Variants in NALCN observed in about 807,000 individuals in gnomAD.
NALCN encodes the protein sodium leak channel, non-selective, also known as sodium leak channel NALCN.
NALCN carries 111 observed loss-of-function variants against 225.3 expected under a neutral mutation model. The ratio of observed to expected loss-of-function variants is 0.49; its 90% confidence interval spans 0.42 to 0.58. The LOEUF is 0.58. NALCN is among the 20% of genes least tolerant of loss of function. The probability of loss-of-function intolerance (pLI) is 0.00; values close to 1 mark genes in which losing one functional copy is unlikely to be tolerated. For synonymous variants in NALCN, 764 were observed against 769.0 expected (o/e 0.99, Z 0.11); for missense variants, 1,378 against 2,202.4 (o/e 0.63, Z 7.49).
chr13:101,230,231 G>A (rs1344255143), intron 12 of NALCN, among the ~76,000 whole-genome samples: 1 of 152,142 alleles, frequency 6.6e-6, no homozygotes, highest in Non-Finnish European at 1.5e-5. Flanking sequence ...CCAAGCATTT[G>A]GGATACAGAT....
At position 101,390,803 on chromosome 13, in the gene NALCN, C is replaced by T. The variant is rs574667623; in HGVS notation, c.291+4380G>A. Among the ~76,000 whole-genome samples, 218 of 150,656 alleles carry T rather than the reference C, an allele frequency of 1.4e-3. 2 individuals carry two copies. Among genetic ancestry groups the T allele is most frequent in the Non-Finnish European group, 2.6e-3 (178 of 67,862 alleles). On this transcript the variant is annotated intron_variant, in intron 3 of 43. Coordinates refer to ENST00000251127, the MANE Select transcript of NALCN (RefSeq NM_052867.4). The stretch of plus-strand genomic sequence containing the variant: ...AATGAAAATGTGAGACAAACACCTT[C>T]GAAAAGTTAGAAACAGACCCATAAA...
chr13:101,259,813 GATACAGGCA>G (rs1389596861), intron 10 of NALCN, among the ~76,000 whole-genome samples: 3 of 145,382 alleles, frequency 2.1e-5, no homozygotes, highest in Non-Finnish European at 4.5e-5. Flanking sequence ...AAGATGTTTT[GATACAGGCA>G]TGCAATGGGG....
intron 7 of NALCN, among the ~76,000 whole-genome samples, chr13:101,298,065 C>T (rs2043821073): frequency 6.6e-6 from 1 of 152,202 alleles, no homozygotes; most frequent in Admixed American, 6.5e-5. Flanking sequence ...TCTCAATGAA[C>T]TGTCTACTGT....
chr13:101,262,841 G>C (rs551001284), intron 10 of NALCN, among the ~76,000 whole-genome samples: 1 of 152,166 alleles, frequency 6.6e-6, no homozygotes, highest in South Asian at 2.1e-4. Flanking sequence ...TTAAACCTCT[G>C]TTTTCTCATT....
intron 10 of NALCN, 145 bp from the exon 11 acceptor site, chr13:101,258,719 A>G: frequency 9.0e-7 from 1 of 1,105,430 alleles, no homozygotes; most frequent in Middle Eastern, 2.5e-4. Flanking sequence ...CATGTCCCAC[A>G]CTGCTGAACT....
intron 6 of NALCN, among the ~76,000 whole-genome samples, chr13:101,350,841 T>C (rs993282817): frequency 1.3e-5 from 2 of 152,164 alleles, no homozygotes; most frequent in Admixed American, 1.3e-4. Flanking sequence ...GCCTACCACA[T>C]CTTTGGCAGA....
intron 10 of NALCN, among the ~76,000 whole-genome samples, chr13:101,271,805 G>A (rs1454642431): frequency 6.6e-6 from 1 of 151,934 alleles, no homozygotes; most frequent in African/African-American, 2.4e-5. Flanking sequence ...ATGCATGTGT[G>A]TGTGTGTCAG....
intron 11 of NALCN, among the ~76,000 whole-genome samples, chr13:101,254,848 G>A (rs1431345207): frequency 1.8e-5 from 1 of 55,794 alleles, no homozygotes; most frequent in Non-Finnish European, 4.3e-5. Context: ...CCGAGATCCC[G>A]CCACTGCACT....
At chr13:101,412,227 G>C (rs2047809817) in intron 1 of NALCN, among the ~76,000 whole-genome samples, 1 of 152,324 alleles carries the variant, frequency 6.6e-6, no homozygotes, top group African/African-American at 2.4e-5. Flanking sequence ...ACATGGCTGT[G>C]TTCCATGCAC....
chr13:101,229,448 C>T lies in NALCN; in HGVS notation c.1571G>A (p.Ser524Asn), dbSNP rs1566460907. 6.2e-7 allele frequency: 1 copy of T among 1,609,738 alleles called. No individual in the cohort carries two copies. Among genetic ancestry groups the T allele is most frequent in the East Asian group, 2.2e-5 (1 of 44,460 alleles). Residue 524 changes from serine to asparagine, a missense_variant, in exon 13 of 44, where the codon AGT becomes AAT. This residue lies in a region of NALCN where 12 missense variants were observed against 50.5 expected (regional missense o/e 0.24). Transcript: ENST00000251127. ...TTCGACAAAGCAGAACATCTGCAAA[C>T]TAATTGCTGACATAACAATCAAGAG... Reference protein sequence around the residue: ...ASLLIVMSAISLQMFCFVEEL... With the variant: ...ASLLIVMSAINLQMFCFVEEL...
intron 10 of NALCN, among the ~76,000 whole-genome samples, chr13:101,279,834 A>AT (rs1594591829): frequency 1.0e-4 from 10 of 99,940 alleles, no homozygotes; most frequent in South Asian, 3.8e-4. Context: ...AAATAAATAA[A>AT]TAAAATAAAT....
At chr13:101,233,839 A>T (rs972401683) in intron 12 of NALCN, among the ~76,000 whole-genome samples, 4 of 152,160 alleles carry the variant, frequency 2.6e-5, no homozygotes, top group Admixed American at 2.6e-4. Flanking sequence ...GATGATACCG[A>T]TATGTAAGAA....
intron 13 of NALCN, among the ~76,000 whole-genome samples, chr13:101,197,798 T>C (rs1243604649): frequency 6.6e-6 from 1 of 152,088 alleles, no homozygotes; most frequent in Non-Finnish European, 1.5e-5. Flanking sequence ...TTGCCAACAG[T>C]AGGCTCTGGA....
At chr13:101,189,410 G>A (rs577753660) in intron 14 of NALCN, among the ~76,000 whole-genome samples, 16 of 152,196 alleles carry the variant, frequency 1.1e-4, no homozygotes, top group Admixed American at 2.0e-4. Flanking sequence ...TGCACAAACC[G>A]TCTTATCTAC....
intron 9 of NALCN, among the ~76,000 whole-genome samples, chr13:101,284,289 T>G (rs978196360): frequency 1.3e-5 from 2 of 152,256 alleles, no homozygotes; most frequent in African/African-American, 2.4e-5. Context: ...TGCTCAAATA[T>G]TCTTCTCCAC....
At chr13:101,371,880 A>C (rs1163293992) in intron 6 of NALCN, among the ~76,000 whole-genome samples, 1 of 152,178 alleles carries the variant, frequency 6.6e-6, no homozygotes. Context: ...CCATGCTCTA[A>C]AACTAAGAAT....
chr13:101,374,004 A>C (rs1177272648), intron 6 of NALCN, among the ~76,000 whole-genome samples: 1 of 152,110 alleles, frequency 6.6e-6, no homozygotes, highest in African/African-American at 2.4e-5. Context: ...AGGGGAAAAT[A>C]ATAATATGTC....
chr13:101,074,660 T>C lies in NALCN; in HGVS notation c.3957A>G (p.Val1319=), dbSNP rs949629728. 5 of 1,600,116 alleles carry C rather than the reference T, an allele frequency of 3.1e-6. No homozygotes were observed. The highest frequency in any genetic ancestry group is 1.8e-5 in the Admixed American group (1 of 56,852). The change falls in exon 36 of 44, where the codon GTA becomes GTG. Residue 1319 remains valine (V), a splice_region_variant and synonymous_variant. Transcript: ENST00000251127. ...CTGTCAAGAGGAGCATCTTTAGCGT[T>C]ACCTGGGGACCAGGGGTGGGAAGCG... ...FRFFSICGKH[V]TLKMLLLTVV...
At chr13:101,322,641 A>G (rs1203204848) in intron 7 of NALCN, among the ~76,000 whole-genome samples, 2 of 152,234 alleles carry the variant, frequency 1.3e-5, no homozygotes, top group Non-Finnish European at 2.9e-5. Context: ...TGATTTAAAT[A>G]GAAACCACTT....
Sources: allele counts gnomAD v4.1 joint callset (sites outside exome capture counted in the v4.1 genomes callset), GRCh38; gene constraint gnomAD v4.1.1; regional missense constraint gnomAD v4.1.1; transcripts MANE v1.5; gene names NCBI Gene and HGNC (gene_info 2026-07-23, HGNC 2026-07-21).